UTRN: variants seen among roughly 807,000 people sequenced by gnomAD.
UTRN encodes utrophin, also known as dystrophin-related protein 1.
In UTRN, 283 loss-of-function variants were observed where a neutral mutation model predicts 463.9. The ratio of observed to expected loss-of-function variants is 0.61; its 90% CI spans 0.55 to 0.67. The LOEUF (loss-of-function observed/expected upper bound fraction) is 0.67. Among genes scored for constraint, UTRN ranks in the 30% least tolerant of loss-of-function variants. The pLI is 0.00. For missense variants in UTRN, 3,922 were observed against 4,084.3 expected (o/e 0.96, Z 1.08); for synonymous variants, 1,442 against 1,431.5 (o/e 1.01, Z -0.17).
intron 1 of UTRN, among the ~76,000 whole-genome samples, chr6:144,290,066 C>T (rs192994727): frequency 1.2e-4 from 18 of 152,286 alleles, no homozygotes; most frequent in Middle Eastern, 3.4e-3. Context: ...TCAGTATAGA[C>T]AGATATATGC....
intron 2 of UTRN, among the ~76,000 whole-genome samples, chr6:144,321,105 A>G (rs953741210): frequency 2.0e-5 from 3 of 152,244 alleles, no homozygotes; most frequent in African/African-American, 7.2e-5. Context: ...GAAACACTGT[A>G]TGAAATAATT....
chr6:144,717,529 T>G (rs1452962415), intron 53 of UTRN, among the ~76,000 whole-genome samples: 1 of 152,196 alleles, frequency 6.6e-6, no homozygotes, highest in Non-Finnish European at 1.5e-5. Context: ...GAATCTAAAC[T>G]GATATGAGTC....
intron 13 of UTRN, among the ~76,000 whole-genome samples, chr6:144,442,074 G>T (rs1307416907): frequency 6.6e-6 from 1 of 152,166 alleles, no homozygotes. Context: ...CCTCTGACAT[G>T]CCTGGAGATG....
intron 51 of UTRN, among the ~76,000 whole-genome samples, chr6:144,624,018 T>C (rs1775699909): frequency 6.6e-6 from 1 of 152,138 alleles, no homozygotes; most frequent in African/African-American, 2.4e-5. Context: ...TTTGGGAAAA[T>C]TGGCCACCAG....
At chr6:144,621,145 A>T (rs2128647487) in intron 51 of UTRN, among the ~76,000 whole-genome samples, 1 of 152,320 alleles carries the variant, frequency 6.6e-6, no homozygotes, top group East Asian at 1.9e-4. Flanking sequence ...TGTTGTCAAG[A>T]TTAAATGAGC....
Position 144,513,296 on chromosome 6 carries a change from T to A in UTRN, c.4945-613T>A, listed in dbSNP as rs189294630. ...GGCCAGGTGTGGTGGCGCACACCTG[T>A]AATCCCAGCACTTTGGGAGGCTGAG... On this transcript the variant is annotated intron_variant, in intron 35 of 74. Coordinates refer to ENST00000367545, the MANE Select transcript of UTRN (RefSeq NM_007124.3). Among the ~76,000 whole-genome samples the A allele has an allele frequency of 4.6e-5, 7 of 152,368 alleles. No homozygotes were observed. In the East Asian group the frequency reaches 1.3e-3, roughly 29 times the overall value.
chr6:144,846,452 C>A (rs1463408353), intron 73 of UTRN, among the ~76,000 whole-genome samples: 4 of 152,124 alleles, frequency 2.6e-5, no homozygotes, highest in Admixed American at 6.5e-5. Flanking sequence ...TAGTACTCAG[C>A]AAAGTAAGTA....
At chr6:144,493,165 T>C (rs979781176) in intron 32 of UTRN, 136 bp from the exon 33 acceptor site, 9 of 721,638 alleles carry the variant, frequency 1.2e-5, no homozygotes, top group African/African-American at 1.2e-4. Flanking sequence ...AGACCAAATC[T>C]GAGAAAGATG....
At chr6:144,328,521 C>T (rs1584297476) in intron 2 of UTRN, among the ~76,000 whole-genome samples, 1 of 152,038 alleles carries the variant, frequency 6.6e-6, no homozygotes, top group African/African-American at 2.4e-5. Flanking sequence ...GTATTAAAAC[C>T]AAGGAAATAA....
chr6:144,372,782 C>CGTGA (rs1780114964), intron 2 of UTRN, among the ~76,000 whole-genome samples: 1 of 152,038 alleles, frequency 6.6e-6, no homozygotes, highest in Non-Finnish European at 1.5e-5. Flanking sequence ...AGATTATAGG[C>CGTGA]GTGAGTCATC....
intron 74 of UTRN, among the ~76,000 whole-genome samples, chr6:144,849,496 G>C (rs1206958823): frequency 6.6e-6 from 1 of 152,148 alleles, no homozygotes; most frequent in Non-Finnish European, 1.5e-5. Flanking sequence ...TTTACAAAGA[G>C]CTAAATGGTT....
In UTRN at chr6:144,851,021, T is replaced by A; in HGVS notation, c.*24T>A. 6.2e-7 allele frequency: 1 copy of A among 1,613,602 alleles called. No homozygotes were observed. The highest frequency in any genetic ancestry group is 8.5e-7 in the Non-Finnish European group (1 of 1,179,600). On this transcript the variant is annotated 3_prime_UTR_variant, in exon 75 of 75. Coordinates refer to ENST00000367545, the MANE Select transcript of UTRN (RefSeq NM_007124.3). ...GAAGTATTCATCCGGCCAACCAATG[T>A]TTCCTGACGTACAGTGTTGCCCTTT...
chr6:144,550,200 C>A (rs1261654843), intron 47 of UTRN, among the ~76,000 whole-genome samples: 1 of 152,094 alleles, frequency 6.6e-6, no homozygotes, highest in African/African-American at 2.4e-5. Flanking sequence ...GTATTCATTA[C>A]CATGTGCCCT....
At chr6:144,450,292 T>G (rs992596127) in intron 17 of UTRN, among the ~76,000 whole-genome samples, 1 of 152,210 alleles carries the variant, frequency 6.6e-6, no homozygotes, top group Non-Finnish European at 1.5e-5. Context: ...CTGCAGGGCC[T>G]TCTTGTAGCT....
At chr6:144,709,379 TCTC>T (rs1452551783) in intron 53 of UTRN, among the ~76,000 whole-genome samples, 2 of 152,168 alleles carry the variant, frequency 1.3e-5, no homozygotes, top group African/African-American at 4.8e-5. Context: ...TTTTTTCTGA[TCTC>T]CTACTTTTTA....
chr6:144,425,147 A>T (rs191978716), intron 6 of UTRN, among the ~76,000 whole-genome samples: 4 of 152,126 alleles, frequency 2.6e-5, no homozygotes, highest in Admixed American at 2.6e-4. Context: ...CATGATATTG[A>T]TATTTTTGAA....
intron 51 of UTRN, among the ~76,000 whole-genome samples, chr6:144,612,232 A>G (rs1805601851): frequency 6.6e-6 from 1 of 152,198 alleles, no homozygotes; most frequent in Non-Finnish European, 1.5e-5. Context: ...CTTCAAATGG[A>G]TTAAAGACTT....
intron 53 of UTRN, among the ~76,000 whole-genome samples, chr6:144,722,442 A>G (rs1013511237): frequency 7.2e-5 from 11 of 152,006 alleles, no homozygotes; most frequent in African/African-American, 2.7e-4. Context: ...AGATTTTTAT[A>G]GTAATGAATC....
intron 50 of UTRN, among the ~76,000 whole-genome samples, chr6:144,568,313 T>C (rs1009871142): frequency 6.6e-6 from 1 of 152,338 alleles, no homozygotes; most frequent in East Asian, 1.9e-4. Flanking sequence ...GTTTTTAGTC[T>C]GTGTTCTTTG....
Sources: allele counts gnomAD v4.1 joint callset (sites outside exome capture counted in the v4.1 genomes callset), GRCh38; gene constraint gnomAD v4.1.1; transcripts MANE v1.5; gene names NCBI Gene and HGNC (gene_info 2026-07-23, HGNC 2026-07-21).